Variants in OPCML observed in about 807,000 individuals in gnomAD.
The protein encoded by OPCML is opioid binding protein/cell adhesion molecule like, also known as opioid-binding protein/cell adhesion molecule.
Under a neutral mutation model 37.8 loss-of-function variants are expected in OPCML, and 13 were observed. The observed-to-expected ratio is 0.34, with a 90% CI of 0.22 to 0.55. OPCML has a LOEUF of 0.55. OPCML is among the 20% of genes least tolerant of loss of function. The pLI is 0.91. For missense variants in OPCML, 341 were observed against 435.6 expected, an observed-to-expected ratio of 0.78 and a Z score of 1.93; for synonymous variants, 176 against 168.8, an observed-to-expected ratio of 1.04 and a Z score of -0.33.
At chr11:132,642,959 G>A (rs1940939920) in intron 3 of OPCML, among the ~76,000 whole-genome samples, 1 of 152,060 alleles carries the variant, frequency 6.6e-6, no homozygotes, top group African/African-American at 2.4e-5. Context: ...CTTGGAAAAT[G>A]CAAGCCCAAC....
At chr11:133,265,071 G>A (rs918571292) in intron 1 of OPCML, among the ~76,000 whole-genome samples, 4 of 152,176 alleles carry the variant, frequency 2.6e-5, no homozygotes, top group African/African-American at 9.7e-5. Context: ...GTGAAATGGT[G>A]TGACACAGGG....
chr11:133,193,635 T>C (rs1390033555), intron 1 of OPCML, among the ~76,000 whole-genome samples: 3 of 152,198 alleles, frequency 2.0e-5, no homozygotes, highest in Non-Finnish European at 4.4e-5. Context: ...TTAATGATGA[T>C]GTTTACCCAT....
At chr11:133,101,733 T>C (rs1304114334) in intron 1 of OPCML, among the ~76,000 whole-genome samples, 1 of 152,178 alleles carries the variant, frequency 6.6e-6, no homozygotes, top group African/African-American at 2.4e-5. Flanking sequence ...ACAAAATGAA[T>C]TGAAAACTTA....
At chr11:132,867,914 TG>T (rs1942637398) in intron 2 of OPCML, among the ~76,000 whole-genome samples, 1 of 152,130 alleles carries the variant, frequency 6.6e-6, no homozygotes, top group Non-Finnish European at 1.5e-5. Context: ...GCAGGCAAAG[TG>T]AAGAAGGTCA....
intron 2 of OPCML, among the ~76,000 whole-genome samples, chr11:132,882,925 T>G (rs1591750955): frequency 6.6e-6 from 1 of 152,180 alleles, no homozygotes. Flanking sequence ...GAATTATGTG[T>G]ATAAAAGCAC....
intron 2 of OPCML, among the ~76,000 whole-genome samples, chr11:132,725,632 T>C (rs1385463018): frequency 6.6e-6 from 1 of 152,154 alleles, no homozygotes; most frequent in Non-Finnish European, 1.5e-5. Context: ...TCCAAACTTT[T>C]ATTCTCTGCT....
intron 1 of OPCML, among the ~76,000 whole-genome samples, chr11:133,210,339 A>C (rs1438395669): frequency 1.3e-5 from 2 of 152,044 alleles, no homozygotes; most frequent in Non-Finnish European, 2.9e-5. Context: ...AATAAAGAAA[A>C]TGATGTGGTT....
intron 2 of OPCML, among the ~76,000 whole-genome samples, chr11:132,799,670 G>A (rs1039628826): frequency 6.6e-6 from 1 of 151,512 alleles, no homozygotes; most frequent in Non-Finnish European, 1.5e-5. Context: ...AGCACATACT[G>A]TTGAAAAGAA....
chr11:133,430,808 G>A (rs190628384), intron 1 of OPCML, among the ~76,000 whole-genome samples: 15 of 152,144 alleles, frequency 9.9e-5, no homozygotes, highest in African/African-American at 3.4e-4. Flanking sequence ...AATAAAATGA[G>A]GTAAATTTTT....
intron 1 of OPCML, among the ~76,000 whole-genome samples, chr11:133,054,578 C>T (rs980283570): frequency 2.6e-5 from 4 of 152,206 alleles, no homozygotes; most frequent in African/African-American, 7.2e-5. Context: ...TGGTTGGGCA[C>T]ATCATCACAG....
chr11:132,955,617 C>T (rs1462602555), intron 1 of OPCML, among the ~76,000 whole-genome samples: 2 of 152,162 alleles, frequency 1.3e-5, no homozygotes, highest in African/African-American at 4.8e-5. Context: ...GGCGCGGTGG[C>T]TCATGCCTGT....
chr11:132,833,181 G>A (rs948859119), intron 2 of OPCML, among the ~76,000 whole-genome samples: 5 of 151,864 alleles, frequency 3.3e-5, no homozygotes, highest in East Asian at 3.9e-4. Context: ...GTAATAACAC[G>A]GCTTAAAATA....
chr11:132,781,472 T>C (rs1947010806), intron 2 of OPCML, among the ~76,000 whole-genome samples: 1 of 152,012 alleles, frequency 6.6e-6, no homozygotes, highest in Non-Finnish European at 1.5e-5. Flanking sequence ...AACCATGGGC[T>C]CTTCGGGGTC....
At chr11:132,431,431 C>A (rs971870560) in intron 7 of OPCML, among the ~76,000 whole-genome samples, 8 of 152,240 alleles carry the variant, frequency 5.3e-5, no homozygotes, top group African/African-American at 1.9e-4. Flanking sequence ...CCAGCACCTG[C>A]AGTTGCCTGG....
intron 2 of OPCML, among the ~76,000 whole-genome samples, chr11:132,834,384 G>A (rs1940891362): frequency 6.6e-6 from 1 of 152,234 alleles, no homozygotes; most frequent in Non-Finnish European, 1.5e-5. Flanking sequence ...GTAAGCTTCT[G>A]TATTCATTTC....
At chr11:132,957,699 T>C (rs1946001542) in intron 1 of OPCML, among the ~76,000 whole-genome samples, 2 of 152,220 alleles carry the variant, frequency 1.3e-5, no homozygotes, top group South Asian at 4.1e-4. Context: ...TGCCACATTT[T>C]GGTAACTATT....
chr11:132,621,982 T>A (rs1939438128), intron 3 of OPCML, among the ~76,000 whole-genome samples: 1 of 152,082 alleles, frequency 6.6e-6, no homozygotes, highest in South Asian at 2.1e-4. Flanking sequence ...GAAATAGAGA[T>A]TAGCCATCAT....
intron 1 of OPCML, chr11:133,439,432 C>A: frequency 6.1e-6 from 6 of 984,988 alleles, no homozygotes; most frequent in Non-Finnish European, 7.2e-6. Context: ...ATGAGGCCAA[C>A]CTAACTCTTT....
intron 1 of OPCML, among the ~76,000 whole-genome samples, chr11:133,278,150 C>T (rs1052798628): frequency 6.6e-6 from 1 of 152,102 alleles, no homozygotes; most frequent in Non-Finnish European, 1.5e-5. Context: ...TTTAAGCCTG[C>T]TTGAATATCA....
Sources: allele counts gnomAD v4.1 joint callset (sites outside exome capture counted in the v4.1 genomes callset), GRCh38; gene constraint gnomAD v4.1.1; transcripts MANE v1.5; gene names NCBI Gene and HGNC (gene_info 2026-07-23, HGNC 2026-07-21).